SYNRG: variants seen among roughly 807,000 people sequenced by gnomAD.
SYNRG encodes the protein synergin gamma.
SYNRG carries 37 observed loss-of-function variants against 130.9 expected under a neutral mutation model. The ratio of observed to expected loss-of-function variants is 0.28; its 90% CI spans 0.22 to 0.37. The LOEUF (loss-of-function observed/expected upper bound fraction) is 0.37. Among genes scored for constraint, SYNRG ranks in the 10% least tolerant of loss-of-function variants. SYNRG has a pLI of 1.00. For missense variants in SYNRG, 1,338 were observed against 1,588.9 expected, an observed-to-expected ratio of 0.84 and a Z score of 2.68; for synonymous variants, 539 against 568.1, an observed-to-expected ratio of 0.95 and a Z score of 0.73.
At position 37,534,164 on chromosome 17, in the gene SYNRG, G is replaced by A. The variant is rs1043233809; in HGVS notation, c.3666+1815C>T. ...TCACCATTTTGGCCAGGCTGGTCTC[G>A]AACTCCTGGCCTCAATTGTTCTGCC... On this transcript the variant is annotated intron_variant, in intron 19 of 21. Transcript: ENST00000612223. 1.0e-4 allele frequency among the ~76,000 whole-genome samples: 15 copies of A among 149,300 alleles called. No homozygotes were observed. In the South Asian group the frequency reaches 2.1e-3, roughly 21 times the overall value.
intron 1 of SYNRG, 103 bp downstream of exon 1, chr17:37,609,176 C>A: frequency 8.0e-7 from 1 of 1,253,928 alleles, no homozygotes; most frequent in South Asian, 2.1e-5. Flanking sequence ...CAGCCCAGTT[C>A]CAAGGAAAAG....
chr17:37,561,545 G>A lies in SYNRG; in HGVS notation c.1526C>T (p.Pro509Leu). The change falls in exon 12 of 22, where the codon CCT (proline) becomes CTT (leucine). Residue 509 changes from proline (P) to leucine (L), a missense_variant. This residue lies in a region of SYNRG where 1,146 missense variants were observed against 1,342.3 expected (regional missense o/e 0.85). Coordinates refer to ENST00000612223, the MANE Select transcript of SYNRG (RefSeq NM_007247.6). ...LMPLPGTKAL[P>L]SMDKYAVFKG... ...AAACACAGCATATTTGTCCATTGAA[G>A]GCAATGCTTTAGTTCCAGGAAGTGG... 1 of 1,613,632 alleles carries A rather than the reference G, an allele frequency of 6.2e-7. No individual in the cohort carries two copies. The highest frequency in any genetic ancestry group is 8.5e-7 in the Non-Finnish European group (1 of 1,179,694).
At chr17:37,582,847 C>A (rs1388860226) in intron 6 of SYNRG, among the ~76,000 whole-genome samples, 1 of 151,358 alleles carries the variant, frequency 6.6e-6, no homozygotes, top group Non-Finnish European at 1.5e-5. Context: ...AGAATGAGAC[C>A]CTGTCTCAAA....
chr17:37,531,242 A>C (rs996721327), intron 19 of SYNRG, among the ~76,000 whole-genome samples: 1 of 151,662 alleles, frequency 6.6e-6, no homozygotes, highest in African/African-American at 2.4e-5. Context: ...CTAAACAATG[A>C]ACAAACAGGT....
chr17:37,518,823 T>G lies in SYNRG; in HGVS notation c.*117A>C, dbSNP rs1445845725. The G allele has an allele frequency of 2.8e-6, 4 of 1,443,256 alleles. No homozygotes were observed. The highest frequency in any genetic ancestry group is 3.7e-6 in the Non-Finnish European group (4 of 1,074,442). The allele number at this position is 1,443,256 out of a possible 1,614,324, so 89.4% of individuals were successfully genotyped here. ...GACGGGGGCCCCGTCCCTTGCGGTG[T>G]TCTTCATATCGATTCAGGGAAGCGA... is the stretch of plus-strand genomic sequence containing the variant. On this transcript the variant is annotated 3_prime_UTR_variant, in exon 22 of 22. Coordinates refer to ENST00000612223, the MANE Select transcript of SYNRG (RefSeq NM_007247.6).
In SYNRG at chr17:37,592,162, A is replaced by C. The variant is rs72830423; in HGVS notation, c.240+4061T>G. Among the ~76,000 whole-genome samples the C allele has an allele frequency of 5.9e-4, 90 of 152,366 alleles. 1 individual carries two copies. Among genetic ancestry groups the C allele is most frequent in the Non-Finnish European group, 1.1e-3 (77 of 68,030 alleles). On this transcript the variant is annotated intron_variant, in intron 3 of 21. Transcript: ENST00000612223. ...AAGCTATGAAAAGGCATTTCTCTGA[A>C]GAAAATGTAATGATGGTAAATAAAC... is the stretch of plus-strand genomic sequence containing the variant.
chr17:37,554,960 T>A (rs2058999191), intron 13 of SYNRG, among the ~76,000 whole-genome samples: 1 of 152,154 alleles, frequency 6.6e-6, no homozygotes, highest in Non-Finnish European at 1.5e-5. Flanking sequence ...TTATTTATTT[T>A]TTAAATAAAA....
intron 15 of SYNRG, chr17:37,540,828 TTTCA>T (rs967870791): frequency 1.3e-5 from 11 of 853,974 alleles, no homozygotes; most frequent in Non-Finnish European, 1.6e-5. Context: ...AGATACACGG[TTTCA>T]TTGTGTTGGC....
intron 19 of SYNRG, among the ~76,000 whole-genome samples, chr17:37,521,998 T>C (rs920616046): frequency 6.6e-6 from 1 of 151,974 alleles, no homozygotes; most frequent in African/African-American, 2.4e-5. Flanking sequence ...AAGCAGGTGG[T>C]TGGATACACA....
rs114407615 is a variant in SYNRG, at chr17:37,551,973, G to C, written c.2608+1142C>G. On this transcript the variant is annotated intron_variant, in intron 14 of 21. Coordinates refer to ENST00000612223, the MANE Select transcript of SYNRG (RefSeq NM_007247.6). The stretch of plus-strand genomic sequence containing the variant: ...AAAATACCTTAGCAAGTAGCAACAT[G>C]AAACATGCAATGTCTCTGCTAACTT... Among the ~76,000 whole-genome samples, 514 of 151,852 alleles carry C rather than the reference G, an allele frequency of 3.4e-3. 3 individuals carry two copies. Among genetic ancestry groups the C allele is most frequent in the African/African-American group, 0.012 (487 of 41,410 alleles).
chr17:37,583,556 C>T (rs1015644124), intron 6 of SYNRG, among the ~76,000 whole-genome samples: 2 of 152,112 alleles, frequency 1.3e-5, no homozygotes, highest in African/African-American at 4.8e-5. Flanking sequence ...TACAAGGGTT[C>T]AAGATAAAAT....
intron 1 of SYNRG, 68 bp downstream of exon 1, chr17:37,609,211 T>C: frequency 1.5e-6 from 2 of 1,364,890 alleles, no homozygotes; most frequent in East Asian, 3.1e-5. Flanking sequence ...AAAACTGCCA[T>C]AACTGCCAAG....
At chr17:37,527,669 G>C (rs946380751) in intron 19 of SYNRG, among the ~76,000 whole-genome samples, 2 of 152,136 alleles carry the variant, frequency 1.3e-5, no homozygotes, top group African/African-American at 4.8e-5. Context: ...CATTGTATTA[G>C]GTGTTATAAG....
chr17:37,522,157 A>AC (rs1568245884), intron 19 of SYNRG, among the ~76,000 whole-genome samples: 21 of 151,170 alleles, frequency 1.4e-4, no homozygotes, highest in Admixed American at 6.6e-5. Flanking sequence ...ACACACACAC[A>AC]ATGGTTAAAA....
At chr17:37,605,078 T>C (rs1042679345) in intron 1 of SYNRG, among the ~76,000 whole-genome samples, 3 of 152,116 alleles carry the variant, frequency 2.0e-5, no homozygotes, top group African/African-American at 4.8e-5. Flanking sequence ...GACAGAGACA[T>C]GAAGTGAACA....
intron 8 of SYNRG, among the ~76,000 whole-genome samples, chr17:37,573,605 C>A (rs2060600771): frequency 6.6e-6 from 1 of 152,038 alleles, no homozygotes; most frequent in South Asian, 2.1e-4. Context: ...GTCTAACAGG[C>A]ATTTGGAAGA....
chr17:37,521,779 T>A (rs998898134), intron 19 of SYNRG, among the ~76,000 whole-genome samples: 7 of 151,852 alleles, frequency 4.6e-5, no homozygotes, highest in Admixed American at 1.3e-4. Flanking sequence ...AATGGGCACG[T>A]GAAAGAGCTG....
chr17:37,520,625 A>G lies in SYNRG; in HGVS notation c.3690T>C (p.Phe1230=). Residue 1230 remains phenylalanine (F), a synonymous_variant, in exon 20 of 22, where the codon TTT becomes TTC. Coordinates refer to ENST00000612223, the MANE Select transcript of SYNRG (RefSeq NM_007247.6). ...TLTPDENSLD[F]SSCMLRPGIK... ...TCCCAGGCCGTAACATACAGGAGGA[A>G]AAATCCAGCGAGTTTTCATCTGGCT... 2 of 1,614,210 alleles carry G rather than the reference A, an allele frequency of 1.2e-6. No homozygotes were observed. Among genetic ancestry groups the G allele is most frequent in the Non-Finnish European group, 1.7e-6 (2 of 1,180,038 alleles).
At chr17:37,603,431 C>T (rs2063471390) in intron 1 of SYNRG, among the ~76,000 whole-genome samples, 1 of 152,186 alleles carries the variant, frequency 6.6e-6, no homozygotes, top group South Asian at 2.1e-4. Flanking sequence ...TTTACTGTGT[C>T]CAGTTCCATC....
Sources: allele counts gnomAD v4.1 joint callset (sites outside exome capture counted in the v4.1 genomes callset), GRCh38; gene constraint gnomAD v4.1.1; regional missense constraint gnomAD v4.1.1; transcripts MANE v1.5; gene names NCBI Gene and HGNC (gene_info 2026-07-23, HGNC 2026-07-21).